The following SHROOM2 variants were observed in gnomAD, a reference collection of about 807,000 sequenced individuals.
SHROOM2 encodes protein Shroom2.
SHROOM2 carries 33 observed loss-of-function variants against 75.9 expected under a neutral mutation model. The observed-to-expected ratio is 0.43, with a 90% confidence interval of 0.33 to 0.58. The LOEUF is 0.58. SHROOM2 is among the 20% of genes least tolerant of loss of function. The pLI is 0.04. For synonymous variants in SHROOM2, 655 were observed against 663.6 expected (o/e 0.99, Z 0.20); for missense variants, 1,434 against 1,461.2 (o/e 0.98, Z 0.30).
rs997161779 is a variant in SHROOM2 at position 9,895,660 on chromosome X, G to A, written c.1752G>A (p.Thr584=). 8.5e-6 allele frequency: 10 copies of A among 1,169,674 alleles called. No homozygotes were observed. Among genetic ancestry groups the A allele is most frequent in the African/African-American group, 5.3e-5 (3 of 56,526 alleles). ...GESSRICPQE[T]PLLHSLTQEG... is the part of the protein sequence containing the mutation. ...GCAGCAGGATCTGCCCGCAGGAGACGCCCCTGTTGCACTCCCTGACCCAGG... is the reference window on the plus strand; with the variant it reads ...GCAGCAGGATCTGCCCGCAGGAGACACCCCTGTTGCACTCCCTGACCCAGG... The change falls in exon 4 of 10, where the codon ACG becomes ACA. Residue 584 remains threonine (T), a synonymous_variant. Coordinates refer to ENST00000380913, the MANE Select transcript of SHROOM2 (RefSeq NM_001649.4).
rs144389769 is a variant in SHROOM2, at chrX:9,884,303, G to T, written c.318-6674G>T. Among the ~76,000 whole-genome samples the T allele has an allele frequency of 4.9e-3, 528 of 107,790 alleles. 6 individuals are homozygous for T. The highest frequency in any genetic ancestry group is 0.017 in the African/African-American group (501 of 29,429). The allele number at this position is 107,790 out of a possible 115,157, so 93.6% of individuals were successfully genotyped here. ...CAAACTATTTGTCTTGGGAGGAGGT[G>T]CTTCTTTGCTTTCTTCTAAAAGGTT... On this transcript the variant is annotated intron_variant, in intron 2 of 9. Coordinates refer to ENST00000380913, the MANE Select transcript of SHROOM2 (RefSeq NM_001649.4).
intron 5 of SHROOM2, among the ~76,000 whole-genome samples, chrX:9,916,254 T>C (rs1423050334): frequency 3.6e-5 from 4 of 112,223 alleles, no homozygotes; most frequent in African/African-American, 1.3e-4. Context: ...TCCTTGCAAA[T>C]ATGTTTTTAC....
chrX:9,875,075 T>C (rs1378117744), intron 2 of SHROOM2, among the ~76,000 whole-genome samples: 2 of 4,810 alleles, frequency 4.2e-4, no homozygotes, highest in Non-Finnish European at 8.4e-4. Context: ...AGCAAGACCC[T>C]GTCTCAAAAA....
chrX:9,869,283 A>T (rs890564876), intron 1 of SHROOM2, among the ~76,000 whole-genome samples: 1 of 112,997 alleles, frequency 8.8e-6, no homozygotes, highest in African/African-American at 3.2e-5. Flanking sequence ...ATATTGAGGA[A>T]TGCATAACTT....
chrX:9,892,859 T>A (rs1271767005), intron 3 of SHROOM2, among the ~76,000 whole-genome samples: 1 of 112,337 alleles, frequency 8.9e-6, no homozygotes. Context: ...AGGGTGAACA[T>A]CTCAGCTTTG....
At chrX:9,861,853 C>G (rs995763321) in intron 1 of SHROOM2, among the ~76,000 whole-genome samples, 1 of 111,382 alleles carries the variant, frequency 9.0e-6, no homozygotes, top group African/African-American at 3.3e-5. Context: ...TGCCCCCACC[C>G]TCTGATGTGA....
At chrX:9,839,050 G>C (rs2083965323) in intron 1 of SHROOM2, among the ~76,000 whole-genome samples, 2 of 111,269 alleles carry the variant, frequency 1.8e-5, no homozygotes, top group Admixed American at 1.9e-4. Context: ...CAAGAGAGCT[G>C]GGGGTATGAA....
chrX:9,795,005 C>A (rs1405231910), intron 1 of SHROOM2, among the ~76,000 whole-genome samples: 3 of 112,609 alleles, frequency 2.7e-5, no homozygotes, highest in African/African-American at 9.7e-5. Context: ...GTGGTGTCCA[C>A]TCTGCTGTTG....
intron 6 of SHROOM2, among the ~76,000 whole-genome samples, chrX:9,935,565 T>G (rs1460480828): frequency 9.0e-6 from 1 of 110,838 alleles, no homozygotes; most frequent in Non-Finnish European, 1.9e-5. Flanking sequence ...GAAGCAGTTG[T>G]GAGGTGTCTG....
At chrX:9,911,729 G>A (rs755533068) in intron 5 of SHROOM2, among the ~76,000 whole-genome samples, 13 of 111,778 alleles carry the variant, frequency 1.2e-4, no homozygotes, top group African/African-American at 3.3e-4. Flanking sequence ...TCAAAGTTCC[G>A]GAAACGCTTG....
At chrX:9,899,345 G>A (rs2084353301) in intron 5 of SHROOM2, among the ~76,000 whole-genome samples, 1 of 110,933 alleles carries the variant, frequency 9.0e-6, no homozygotes, top group Non-Finnish European at 1.9e-5. Context: ...AAGATGTGGT[G>A]CAATCTTGTT....
Position 9,896,070 on chromosome X carries a change from C to A in SHROOM2, c.2162C>A (p.Pro721Gln), listed in dbSNP as rs1276932513. 8.3e-7 allele frequency: 1 copy of A among 1,210,675 alleles called. No individual in the cohort carries two copies. The highest frequency in any genetic ancestry group is 1.1e-6 in the Non-Finnish European group (1 of 895,275). ...TCACTGGAACACCGGATGGGGGATCCAGACACTGTCCCCCACTTCTGGGAG... is the reference window on the plus strand; with the variant it reads ...TCACTGGAACACCGGATGGGGGATCAAGACACTGTCCCCCACTTCTGGGAG... ...PESLEHRMGD[P>Q]DTVPHFWEAG... Residue 721 changes from proline (P) to glutamine (Q), a missense_variant, in exon 4 of 10, where the codon CCA becomes CAA. By Grantham distance (76) the Pro-to-Gln change is moderately conservative. Coordinates refer to ENST00000380913, the MANE Select transcript of SHROOM2 (RefSeq NM_001649.4).
intron 1 of SHROOM2, among the ~76,000 whole-genome samples, chrX:9,827,223 C>CTTTTTTTTTTTTTTTTTTTT (rs397953893): frequency 3.3e-5 from 2 of 60,127 alleles, no homozygotes; most frequent in Non-Finnish European, 5.6e-5. Context: ...TTTTCTTTTT[C>CTTTTTTTTTTTTTTTTTTTT]TTTTTTTTTT....
intron 1 of SHROOM2, among the ~76,000 whole-genome samples, chrX:9,841,824 T>C (rs1483411023): frequency 8.9e-6 from 1 of 111,794 alleles, no homozygotes; most frequent in African/African-American, 3.3e-5. Flanking sequence ...GGAGGATTGC[T>C]TGAACCCAGG....
chrX:9,944,728 G>A lies in SHROOM2; in HGVS notation c.4399G>A (p.Val1467Met), dbSNP rs752261216. 10 of 1,212,078 alleles carry A rather than the reference G, an allele frequency of 8.3e-6. No individual in the cohort carries two copies. The Admixed American group carries it at 1.3e-4, about 16-fold the overall frequency. ...SLLEDVQANT[V>M]LGAEVEAIVK... is the part of the protein sequence containing the mutation. ...GCTGGAGGACGTGCAGGCCAACACC[G>A]TGCTGGGGGCCGAGGTGGAGGCCAT... The change falls in exon 9 of 10, where the codon GTG becomes ATG. Residue 1467 changes from valine to methionine, a missense_variant. Physicochemically the swap from Val to Met is conservative, Grantham distance 21. This residue lies in a region of SHROOM2 where 1,340 missense variants were observed against 1,338.3 expected (regional missense o/e 1.00). Coordinates refer to ENST00000380913, the MANE Select transcript of SHROOM2 (RefSeq NM_001649.4).
intron 6 of SHROOM2, among the ~76,000 whole-genome samples, chrX:9,934,682 T>A (rs993619422): frequency 8.9e-6 from 1 of 112,003 alleles, no homozygotes; most frequent in Non-Finnish European, 1.9e-5. Context: ...CAAGACTGTT[T>A]TTAAGAAGAG....
chrX:9,869,220 C>T (rs1467094993), intron 1 of SHROOM2, among the ~76,000 whole-genome samples: 1 of 112,705 alleles, frequency 8.9e-6, no homozygotes, highest in Non-Finnish European at 1.9e-5. Flanking sequence ...CTTGGCCTCC[C>T]AAAGTGCTGG....
chrX:9,884,687 A>T (rs2084251347), intron 2 of SHROOM2, among the ~76,000 whole-genome samples: 1 of 108,667 alleles, frequency 9.2e-6, no homozygotes, highest in South Asian at 3.9e-4. Flanking sequence ...TAAAAAAAAA[A>T]AAAAAAAAAC....
At position 9,896,389 on chromosome X, in the gene SHROOM2, G is replaced by A. The variant is rs1051476639; in HGVS notation, c.2481G>A (p.Glu827=). The change falls in exon 4 of 10, where the codon GAG becomes GAA. Residue 827 remains glutamate (E), a synonymous_variant. Transcript: ENST00000380913. ...ALHGIPRDKP[E]RPRTAGRTCE... ...ACGGAATCCCGAGAGACAAGCCAGA[G>A]AGGCCGCGGACAGCGGGCCGCACAT... 8.2e-7 allele frequency: 1 copy of A among 1,212,395 alleles called. No individual in the cohort carries two copies. Among genetic ancestry groups the A allele is most frequent in the Admixed American group, 2.2e-5 (1 of 46,153 alleles).
Sources: allele counts gnomAD v4.1 joint callset (sites outside exome capture counted in the v4.1 genomes callset), GRCh38; gene constraint gnomAD v4.1.1; regional missense constraint gnomAD v4.1.1; transcripts MANE v1.5; gene names NCBI Gene and HGNC (gene_info 2026-07-23, HGNC 2026-07-21).